Variants in CDC20B observed in about 807,000 individuals in gnomAD.
CDC20B encodes cell division cycle protein 20 homolog B.
Under a neutral mutation model 64.1 loss-of-function variants are expected in CDC20B, and 58 were observed. That is an observed-to-expected ratio of 0.90 (90% CI 0.73 to 1.13). The LOEUF (loss-of-function observed/expected upper bound fraction) is 1.13. Among genes scored for constraint, CDC20B ranks in the 50% most tolerant of loss-of-function variants. The pLI is 0.00. For synonymous variants in CDC20B, 243 were observed against 230.6 expected (o/e 1.05, Z -0.49); for missense variants, 597 against 633.0 (o/e 0.94, Z 0.61).
intron 2 of CDC20B, among the ~76,000 whole-genome samples, chr5:55,158,158 G>T (rs192780330): frequency 7.8e-4 from 119 of 152,318 alleles, no homozygotes; most frequent in Admixed American, 5.9e-4. Context: ...GACTCGGGAA[G>T]TCTGGGGTGG....
At chr5:55,172,785 G>T (rs965340305) in intron 1 of CDC20B, 135 bp from the exon 2 acceptor site, 29 of 790,406 alleles carry the variant, frequency 3.7e-5, no homozygotes, top group Admixed American at 1.2e-4. Flanking sequence ...TGGCAACTAG[G>T]CACCTTCAGA....
At chr5:55,158,748 G>A (rs184313745) in intron 2 of CDC20B, among the ~76,000 whole-genome samples, 7 of 152,312 alleles carry the variant, frequency 4.6e-5, no homozygotes, top group Admixed American at 3.3e-4. Context: ...AATTGAAAGT[G>A]AATGGCTTTT....
rs1041986292 is a variant in CDC20B at position 55,147,364 on chromosome 5, CATAAGT to C, written c.127-514_127-509del. On this transcript the variant is annotated intron_variant, in intron 2 of 11. Transcript: ENST00000381375. ...TTTATATATTTATATATTATATAAACATAAGTATGTTATGTTTTATATATTTATATT... is the reference window on the plus strand; with the variant it reads ...TTTATATATTTATATATTATATAAACATGTTATGTTTTATATATTTATATT... 5.0e-4 allele frequency among the ~76,000 whole-genome samples: 70 copies of C among 139,426 alleles called. No homozygotes were observed. In the East Asian group the frequency reaches 0.014, roughly 28 times the overall value. The allele number at this position is 139,426 out of a possible 152,430, so 91.5% of individuals were successfully genotyped here.
intron 5 of CDC20B, chr5:55,137,229 G>C: frequency 4.4e-6 from 1 of 226,270 alleles, no homozygotes; most frequent in Non-Finnish European, 9.0e-6. Flanking sequence ...ATGTAGCATG[G>C]AACAGGACCT....
At chr5:55,119,950 G>A (rs1742717733) in intron 10 of CDC20B, 32 bp from the exon 11 acceptor site, 1 of 1,485,440 alleles carries the variant, frequency 6.7e-7, no homozygotes. Context: ...GAGAATTCTT[G>A]CAATTTCTGA....
At chr5:55,153,350 G>T (rs1743725269) in intron 2 of CDC20B, among the ~76,000 whole-genome samples, 1 of 151,932 alleles carries the variant, frequency 6.6e-6, no homozygotes, top group African/African-American at 2.4e-5. Flanking sequence ...AGTGTATCTG[G>T]GCTTTTAAAA....
At position 55,143,104 on chromosome 5, in the gene CDC20B, A is replaced by G. The variant is rs572189181; in HGVS notation, c.486+409T>C. ...AGGGAAATATTTAAAAGACCATCAT[A>G]TAGAGCAATAATTCAACTTTTCCTA... On this transcript the variant is annotated intron_variant, in intron 4 of 11. Coordinates refer to ENST00000381375, the MANE Select transcript of CDC20B (RefSeq NM_001170402.1). 1.9e-3 allele frequency among the ~76,000 whole-genome samples: 287 copies of G among 152,350 alleles called. 4 individuals carry two copies. Among genetic ancestry groups the G allele is most frequent in the African/African-American group, 6.6e-3 (274 of 41,592 alleles).
At chr5:55,127,884 G>A (rs1186820730) in intron 7 of CDC20B, among the ~76,000 whole-genome samples, 1 of 152,168 alleles carries the variant, frequency 6.6e-6, no homozygotes, top group African/African-American at 2.4e-5. Flanking sequence ...TATCATTGCA[G>A]AGATGAGAAA....
chr5:55,160,801 G>A (rs1271929653), intron 2 of CDC20B: 4 of 547,824 alleles, frequency 7.3e-6, no homozygotes, highest in Non-Finnish European at 1.2e-5. Flanking sequence ...TTTAATGGCA[G>A]TACTATTTCA....
intron 5 of CDC20B, among the ~76,000 whole-genome samples, chr5:55,135,161 T>C (rs1294720512): frequency 2.0e-5 from 3 of 152,110 alleles, no homozygotes; most frequent in Non-Finnish European, 2.9e-5. Context: ...TAAGGGAACC[T>C]GCACCTTCTG....
chr5:55,148,027 A>G (rs1743545551), intron 2 of CDC20B, among the ~76,000 whole-genome samples: 1 of 152,170 alleles, frequency 6.6e-6, no homozygotes, highest in African/African-American at 2.4e-5. Flanking sequence ...CAAGTGACAA[A>G]CTGGAATTAT....
chr5:55,173,155 C>G lies in CDC20B; in HGVS notation c.-155G>C, dbSNP rs1199732200. ...TATTTCACCACCTCCCTCCAGGTCC[C>G]CCACTCCTCCCACCGCCGCTGCAAG... On this transcript the variant is annotated 5_prime_UTR_variant, in exon 1 of 12. Transcript: ENST00000381375. 6.5e-6 allele frequency: 4 copies of G among 610,748 alleles called. No individual in the cohort carries two copies. The highest frequency in any genetic ancestry group is 2.9e-5 in the Admixed American group (1 of 33,934). 37.8% of individuals were successfully genotyped at this position (610,748 alleles called of 1,614,324 possible). A position where few individuals can be genotyped will look rare whatever the true frequency, so the allele number is the denominator to read the frequency against.
At chr5:55,163,600 A>G (rs1744208321) in intron 2 of CDC20B, among the ~76,000 whole-genome samples, 1 of 151,710 alleles carries the variant, frequency 6.6e-6, no homozygotes, top group African/African-American at 2.4e-5. Flanking sequence ...TCCACCTCCC[A>G]GGTTCAAATG....
At chr5:55,130,045 A>G (rs1742989378) in intron 6 of CDC20B, among the ~76,000 whole-genome samples, 1 of 152,248 alleles carries the variant, frequency 6.6e-6, no homozygotes, top group Non-Finnish European at 1.5e-5. Context: ...TATATTCTCC[A>G]TGAAGTGAAG....
chr5:55,139,008 A>T (rs1165686538), intron 5 of CDC20B, among the ~76,000 whole-genome samples: 1 of 152,018 alleles, frequency 6.6e-6, no homozygotes. Flanking sequence ...TAGGATATGG[A>T]TCTCCAAGAA....
In CDC20B at chr5:55,115,609, GTC is replaced by G. The variant is rs573431715; in HGVS notation, c.1460-1293_1460-1292del. On this transcript the variant is annotated intron_variant, in intron 11 of 11. Coordinates refer to ENST00000381375, the MANE Select transcript of CDC20B (RefSeq NM_001170402.1). ...CTAGGAGAATGAGGGAGGAAAGGAG[GTC>G]AGATATGGTTTTGAGTGGGTAGCTA... Among the ~76,000 whole-genome samples, 3 of 152,316 alleles carry G rather than the reference GTC, an allele frequency of 2.0e-5. No homozygotes were observed. The South Asian group carries it at 6.2e-4, about 32-fold the overall frequency.
At chr5:55,119,280 A>G (rs1163211692) in intron 11 of CDC20B, among the ~76,000 whole-genome samples, 1 of 152,164 alleles carries the variant, frequency 6.6e-6, no homozygotes, top group Admixed American at 6.5e-5. Flanking sequence ...TTTAAGGCCC[A>G]GAGGACAGGG....
At chr5:55,121,005 A>T (rs1335586160) in intron 9 of CDC20B, among the ~76,000 whole-genome samples, 1 of 152,214 alleles carries the variant, frequency 6.6e-6, no homozygotes, top group East Asian at 1.9e-4. Flanking sequence ...GTGATTGCTC[A>T]CAACTCAACA....
At position 55,128,744 on chromosome 5, in the gene CDC20B, T is replaced by C. The variant is rs1176214473; in HGVS notation, c.698-127A>G. ...CATGGTTAGCTGGAAAATGGAAACA[T>C]GGAACCATGAAAATCCTTAAAAGTT... On this transcript the variant is annotated intron_variant, in intron 6 of 11. Coordinates refer to ENST00000381375, the MANE Select transcript of CDC20B (RefSeq NM_001170402.1). 6 of 642,416 alleles carry C rather than the reference T, an allele frequency of 9.3e-6. No individual in the cohort carries two copies. In the South Asian group the frequency reaches 1.2e-4, roughly 13 times the overall value. 39.8% of individuals were successfully genotyped at this position (642,416 alleles called of 1,614,324 possible). A position where few individuals can be genotyped will look rare whatever the true frequency, so the allele number is the denominator to read the frequency against.
Sources: gnomAD v4.1 joint callset for allele counts (sites outside exome capture counted in the v4.1 genomes callset) on GRCh38, gnomAD v4.1.1 for gene constraint, MANE v1.5 for transcripts, NCBI Gene and HGNC (gene_info 2026-07-23, HGNC 2026-07-21) for gene names.